Variants in PCDHA10 observed in about 807,000 individuals in gnomAD.
PCDHA10 encodes the protein protocadherin alpha-10.
A neutral mutation model predicts 61.2 loss-of-function variants in PCDHA10; 45 were observed. The ratio of observed to expected loss-of-function variants is 0.74; its 90% CI spans 0.58 to 0.94. PCDHA10 has a LOEUF of 0.94. Among genes scored for constraint, PCDHA10 ranks in the 40% least tolerant of loss-of-function variants. The pLI, the probability that PCDHA10 is intolerant of heterozygous loss-of-function variation, is 0.00. For missense variants in PCDHA10, 1,278 were observed against 1,236.2 expected (o/e 1.03, Z -0.51); for synonymous variants, 602 against 548.8 (o/e 1.10, Z -1.35).
chr5:140,889,978 A>C (rs1326390288), intron 1 of PCDHA10, among the ~76,000 whole-genome samples: 1 of 152,202 alleles, frequency 6.6e-6, no homozygotes, highest in Non-Finnish European at 1.5e-5. Flanking sequence ...TCCAGTCTCC[A>C]GTTGTCTTAG....
chr5:140,922,350 G>A (rs2080793001), intron 1 of PCDHA10, among the ~76,000 whole-genome samples: 11 of 152,212 alleles, frequency 7.2e-5, no homozygotes, highest in Admixed American at 7.2e-4. Context: ...GTATTTTCTA[G>A]AGTAGTGATT....
intron 1 of PCDHA10, among the ~76,000 whole-genome samples, chr5:140,974,301 A>G (rs2096621600): frequency 6.6e-6 from 1 of 152,190 alleles, no homozygotes; most frequent in Non-Finnish European, 1.5e-5. Context: ...AGGAGGTACA[A>G]CTGTGAGTGA....
chr5:140,990,157 T>C (rs113813870), intron 3 of PCDHA10, among the ~76,000 whole-genome samples: 6 of 152,050 alleles, frequency 3.9e-5, no homozygotes, highest in African/African-American at 1.2e-4. Flanking sequence ...AATAGAAAGT[T>C]AGGGTATGAA....
At chr5:140,915,589 T>C (rs1398530314) in intron 1 of PCDHA10, among the ~76,000 whole-genome samples, 1 of 151,900 alleles carries the variant, frequency 6.6e-6, no homozygotes, top group African/African-American at 2.4e-5. Context: ...AAAGCACTTG[T>C]TCTTTTCCCT....
intron 1 of PCDHA10, among the ~76,000 whole-genome samples, chr5:140,922,237 G>A (rs2080732766): frequency 6.6e-6 from 1 of 152,156 alleles, no homozygotes; most frequent in Non-Finnish European, 1.5e-5. Flanking sequence ...ACCATGATGT[G>A]TATGAAGATA....
intron 3 of PCDHA10, among the ~76,000 whole-genome samples, chr5:141,003,690 T>C (rs1441506131): frequency 2.0e-5 from 3 of 152,232 alleles, no homozygotes; most frequent in African/African-American, 7.2e-5. Flanking sequence ...TTTTAAAATA[T>C]ATCCCTACCA....
At chr5:140,991,716 A>G (rs1287772391) in intron 3 of PCDHA10, among the ~76,000 whole-genome samples, 1 of 152,164 alleles carries the variant, frequency 6.6e-6, no homozygotes, top group East Asian at 1.9e-4. Flanking sequence ...TATTGCTACT[A>G]GCAGCCTGTT....
chr5:140,857,861 T>A lies in PCDHA10; in HGVS notation c.1813T>A (p.Trp605Arg), dbSNP rs890760526. 6.3e-7 allele frequency: 1 copy of A among 1,597,494 alleles called. No homozygotes were observed. The highest frequency in any genetic ancestry group is 2.2e-5 in the East Asian group (1 of 44,806). The part of the protein sequence containing the change: ...AVDADSGYNA[W>R]LSYELQSAAV... ...GGACGCTGACTCTGGATACAACGCGTGGCTGTCGTATGAATTGCAGTCGGC... is the reference window on the plus strand; with the variant it reads ...GGACGCTGACTCTGGATACAACGCGAGGCTGTCGTATGAATTGCAGTCGGC... Residue 605 changes from tryptophan (W) to arginine (R), a missense_variant, in exon 1 of 4, where the codon TGG becomes AGG. By Grantham distance (101) the Trp-to-Arg change is moderately radical (BLOSUM62 -3). Transcript: ENST00000307360.
chr5:141,001,867 A>C (rs2153971805), intron 3 of PCDHA10, among the ~76,000 whole-genome samples: 1 of 152,348 alleles, frequency 6.6e-6, no homozygotes, highest in Admixed American at 6.5e-5. Context: ...ATTGATGCCC[A>C]AAACCAAGAA....
Position 140,915,626 on chromosome 5 carries a change from G to GTCTCTCTC in PCDHA10, c.2388+57213_2388+57220dup, listed in dbSNP as rs57920489. Among the ~76,000 whole-genome samples the GTCTCTCTC allele has an allele frequency of 4.4e-3, 648 of 146,532 alleles. 6 individuals carry two copies. Among genetic ancestry groups the GTCTCTCTC allele is most frequent in the East Asian group, 0.011 (51 of 4,846 alleles). Reference sequence around the variant, plus strand: ...ACTTTCTGTCAAACAGTCTCTTTCTGTCTCTCTCTCTCTCTCTCTCTCTCT... The same window carrying GTCTCTCTC: ...ACTTTCTGTCAAACAGTCTCTTTCTGTCTCTCTCTCTCTCTCTCTCTCTCTCTCTCTCT... On this transcript the variant is annotated intron_variant, in intron 1 of 3. Transcript: ENST00000307360.
At chr5:140,882,129 T>C (rs2153382855) in intron 1 of PCDHA10, 5 of 1,473,110 alleles carry the variant, frequency 3.4e-6, no homozygotes, top group Non-Finnish European at 2.7e-6. Context: ...TCTTTCTTCC[T>C]GCAGAAAATA....
chr5:141,000,593 A>G (rs1021263998), intron 3 of PCDHA10, among the ~76,000 whole-genome samples: 3 of 150,498 alleles, frequency 2.0e-5, no homozygotes, highest in African/African-American at 4.9e-5. Flanking sequence ...ATGCCCAGCT[A>G]ATTTTTGTAT....
intron 1 of PCDHA10, chr5:140,927,791 G>C: frequency 6.2e-7 from 1 of 1,614,196 alleles, no homozygotes; most frequent in Admixed American, 1.7e-5. Context: ...GCTTCACTAG[G>C]TCCGCCTGAA....
chr5:140,881,106 C>T (rs1233394839), intron 1 of PCDHA10, among the ~76,000 whole-genome samples: 1 of 152,114 alleles, frequency 6.6e-6, no homozygotes, highest in Non-Finnish European at 1.5e-5. Context: ...CACCATTTGG[C>T]CTGGGATTTT....
chr5:140,884,484 T>C, intron 1 of PCDHA10: 2 of 1,613,922 alleles, frequency 1.2e-6, no homozygotes, highest in Non-Finnish European at 1.7e-6. Context: ...AAGCCCACTC[T>C]AGTGTGCTCC....
chr5:140,905,120 G>T (rs1191513318), intron 1 of PCDHA10, among the ~76,000 whole-genome samples: 3 of 152,214 alleles, frequency 2.0e-5, no homozygotes, highest in African/African-American at 7.2e-5. Flanking sequence ...CTAAGCCAAT[G>T]TCTAGAAGAG....
chr5:140,876,715 C>A (rs570565884), intron 1 of PCDHA10: 7 of 1,614,232 alleles, frequency 4.3e-6, no homozygotes, highest in East Asian at 2.2e-5. Context: ...CGCCCTGGAC[C>A]GCGAGAGCGT....
intron 2 of PCDHA10, among the ~76,000 whole-genome samples, chr5:140,979,626 A>T (rs2096859120): frequency 2.0e-5 from 3 of 152,204 alleles, no homozygotes; most frequent in Non-Finnish European, 4.4e-5. Flanking sequence ...TTAGTCTAAG[A>T]CTCAGATTAA....
intron 1 of PCDHA10, among the ~76,000 whole-genome samples, chr5:140,874,303 C>T (rs1299985366): frequency 6.6e-6 from 1 of 152,088 alleles, no homozygotes. Flanking sequence ...TACTTGTTCA[C>T]AATGAGTTGT....
Sources: allele counts gnomAD v4.1 joint callset (sites outside exome capture counted in the v4.1 genomes callset), GRCh38; gene constraint gnomAD v4.1.1; transcripts MANE v1.5; gene names NCBI Gene and HGNC (gene_info 2026-07-23, HGNC 2026-07-21).